The following UBE3A variants were observed in gnomAD, a reference collection of about 807,000 sequenced individuals.
UBE3A encodes ubiquitin protein ligase E3A.
UBE3A carries 6 observed loss-of-function variants against 83.4 expected under a neutral mutation model. The ratio of observed to expected loss-of-function variants is 0.07; its 90% CI spans 0.04 to 0.14. The LOEUF (loss-of-function observed/expected upper bound fraction) is 0.14. Ranked by LOEUF, UBE3A falls within the 10% of genes least tolerant of loss-of-function variation. The pLI, the probability that UBE3A is intolerant of heterozygous loss-of-function variation, is 1.00. For synonymous variants in UBE3A, 337 were observed against 355.4 expected (o/e 0.95, Z 0.58); for missense variants, 456 against 1,036.1 (o/e 0.44, Z 7.69).
intron 4 of UBE3A, among the ~76,000 whole-genome samples, chr15:25,398,816 A>ATATATAT (rs1567069211): frequency 0.022 from 884 of 40,244 alleles, 33 homozygotes; most frequent in South Asian, 0.034. Flanking sequence ...TATATATATA[A>ATATATAT]AAATACATAT....
intron 4 of UBE3A, among the ~76,000 whole-genome samples, chr15:25,393,174 T>C (rs1159070896): frequency 6.6e-6 from 1 of 151,854 alleles, no homozygotes; most frequent in Non-Finnish European, 1.5e-5. Context: ...ACAAATAATG[T>C]AGCAGTAGGA....
At chr15:25,425,834 T>C (rs1189215876) in intron 1 of UBE3A, among the ~76,000 whole-genome samples, 1 of 152,174 alleles carries the variant, frequency 6.6e-6, no homozygotes, top group Non-Finnish European at 1.5e-5. Flanking sequence ...GTAAAAATGT[T>C]AGAATTCCTA....
At chr15:25,388,682 A>G (rs1009933926) in intron 4 of UBE3A, among the ~76,000 whole-genome samples, 1 of 152,202 alleles carries the variant, frequency 6.6e-6, no homozygotes. Flanking sequence ...TGAAATGACT[A>G]TATGTGTAGA....
intron 4 of UBE3A, among the ~76,000 whole-genome samples, chr15:25,383,968 A>C (rs528670774): frequency 1.3e-5 from 2 of 152,308 alleles, no homozygotes; most frequent in Admixed American, 6.5e-5. Flanking sequence ...AAGAAAAAAA[A>C]CCGTTAGAAT....
chr15:25,408,728 T>C, intron 3 of UBE3A: 1 of 1,486,486 alleles, frequency 6.7e-7, no homozygotes, highest in Non-Finnish European at 9.1e-7. Context: ...TTATAAAAAC[T>C]TCTAGAGAAA....
rs2088282498 is a variant in UBE3A, at chr15:25,405,469, A to G, written c.54T>C (p.Ala18=). Residue 18 remains alanine, a synonymous_variant, in exon 4 of 13, where the codon GCT becomes GCC. Coordinates refer to ENST00000648336, the MANE Select transcript of UBE3A (RefSeq NM_130839.5). ...AACCAAGTTACACTTACATTCGGCT[A>G]GCTTCAATGTCGTCAGACTGAGGTT... is the stretch of plus-strand genomic sequence containing the variant. ...SGEPQSDDIE[A]SRMKRAAAKH... 1.2e-6 allele frequency: 2 copies of G among 1,613,858 alleles called. No homozygotes were observed. The highest frequency in any genetic ancestry group is 1.7e-6 in the Non-Finnish European group (2 of 1,179,884).
At chr15:25,354,321 C>T (rs1384637195) in intron 11 of UBE3A, 32 bp downstream of exon 11, 1 of 1,605,632 alleles carries the variant, frequency 6.2e-7, no homozygotes. Flanking sequence ...TTTGGTGAAT[C>T]AAATCTTCCT....
chr15:25,438,423 C>T (rs1475886311), intron 1 of UBE3A, 66 bp downstream of exon 1: 2 of 152,374 alleles, frequency 1.3e-5, no homozygotes, highest in East Asian at 1.9e-4. Flanking sequence ...CACAGCGGGC[C>T]CCGAAGGCCG....
chr15:25,380,265 C>T (rs547841780), intron 4 of UBE3A, among the ~76,000 whole-genome samples: 4 of 151,904 alleles, frequency 2.6e-5, no homozygotes, highest in South Asian at 2.1e-4. Flanking sequence ...GTCTCAGGTA[C>T]GTCTTTATCA....
chr15:25,353,363 G>A (rs2076785244), intron 11 of UBE3A, among the ~76,000 whole-genome samples: 1 of 152,186 alleles, frequency 6.6e-6, no homozygotes, highest in African/African-American at 2.4e-5. Context: ...TGGTATATGT[G>A]ACAGGGATTG....
chr15:25,369,906 T>C (rs1186486506), intron 6 of UBE3A, among the ~76,000 whole-genome samples: 1 of 152,176 alleles, frequency 6.6e-6, no homozygotes, highest in Admixed American at 6.5e-5. Flanking sequence ...GGACTTGATG[T>C]TACAGGCACC....
Position 25,370,751 on chromosome 15 carries a change from T to A in UBE3A, c.1423A>T (p.Met475Leu). 1 of 1,614,166 alleles carries A rather than the reference T, an allele frequency of 6.2e-7. No homozygotes were observed. The highest frequency in any genetic ancestry group is 8.5e-7 in the Non-Finnish European group (1 of 1,180,008). The change falls in exon 6 of 13, where the codon ATG (methionine) becomes TTG (leucine). Residue 475 changes from methionine (M) to leucine (L), a missense_variant. By Grantham distance (15) the Met-to-Leu change is conservative. This residue lies in a region of UBE3A where 58 missense variants were observed against 237.1 expected (regional missense o/e 0.24). Transcript: ENST00000648336. This position sits in a 1 kb window ranked among gnomAD's most constrained non-coding sequence, Gnocchi z 4.2. ...GCATTCAATATAAAGGGACATGTCA[T>A]AAAAGAGAATTTGTTCTCTGTTTCT... The part of the protein sequence containing the change: ...KVETENKFSF[M>L]TCPFILNAVT...
At chr15:25,382,481 A>G (rs1381769982) in intron 4 of UBE3A, among the ~76,000 whole-genome samples, 1 of 152,058 alleles carries the variant, frequency 6.6e-6, no homozygotes, top group Non-Finnish European at 1.5e-5. Context: ...CATATTTCAC[A>G]GTTAGAAAGG....
intron 4 of UBE3A, among the ~76,000 whole-genome samples, chr15:25,378,805 T>A (rs1192395122): frequency 2.0e-5 from 3 of 152,188 alleles, no homozygotes; most frequent in Non-Finnish European, 1.5e-5. Context: ...ATCTGAAGAA[T>A]CATAACGTGA....
At chr15:25,433,312 T>G (rs1436855230) in intron 1 of UBE3A, among the ~76,000 whole-genome samples, 1 of 151,712 alleles carries the variant, frequency 6.6e-6, no homozygotes, top group Non-Finnish European at 1.5e-5. Context: ...GCCTCCTGAG[T>G]AGTTGGGACT....
chr15:25,379,584 A>T (rs1479371642), intron 4 of UBE3A, among the ~76,000 whole-genome samples: 1 of 152,188 alleles, frequency 6.6e-6, no homozygotes, highest in Non-Finnish European at 1.5e-5. Context: ...ACCTTAATTT[A>T]TCTGACCTCA....
At chr15:25,391,473 T>C (rs143113218) in intron 4 of UBE3A, 69 of 152,372 alleles carry the variant, frequency 4.5e-4, no homozygotes, top group African/African-American at 1.6e-3. Context: ...ATCATTAATA[T>C]GGTAAAATGT....
intron 11 of UBE3A, among the ~76,000 whole-genome samples, chr15:25,348,821 A>G (rs1486024408): frequency 6.6e-6 from 1 of 152,220 alleles, no homozygotes; most frequent in Non-Finnish European, 1.5e-5. Flanking sequence ...ATCTAAATAA[A>G]TGGAGAGACG....
chr15:25,346,457 TA>T, intron 11 of UBE3A: 1 of 152,272 alleles, frequency 6.6e-6, no homozygotes, highest in Admixed American at 6.5e-5. Flanking sequence ...AGTCTCCTGA[TA>T]TAATAACTAA....
Sources: gnomAD v4.1 joint callset for allele counts (sites outside exome capture counted in the v4.1 genomes callset) on GRCh38, gnomAD v4.1.1 for gene constraint, gnomAD v4.1.1 regional missense constraint, Gnocchi (gnomAD v3.1) non-coding constraint, MANE v1.5 for transcripts, NCBI Gene and HGNC (gene_info 2026-07-23, HGNC 2026-07-21) for gene names.